The following CNBD1 variants were observed in gnomAD, a reference collection of about 807,000 sequenced individuals.
CNBD1 encodes the protein cyclic nucleotide binding domain containing 1.
In CNBD1, 71 loss-of-function variants were observed where a neutral mutation model predicts 54.4. That is an observed-to-expected ratio of 1.30 (90% CI 1.08 to 1.59). The LOEUF (loss-of-function observed/expected upper bound fraction) is 1.59. Ranked by LOEUF, CNBD1 falls within the 40% of genes most tolerant of loss-of-function variation. CNBD1 has a pLI of 0.00. For synonymous variants in CNBD1, 182 were observed against 170.7 expected (o/e 1.07, Z -0.51); for missense variants, 659 against 518.0 (o/e 1.27, Z -2.64).
Position 87,227,880 on chromosome 8 carries a change from G to T in CNBD1, c.578-9039G>T, listed in dbSNP as rs1392865103. On this transcript the variant is annotated intron_variant, in intron 5 of 10. Transcript: ENST00000518476. ...CTCCCCATCACTTTCAGGTACACCA[G>T]TCAGACGTAGATTTGGTCTTTTCAC... 6.1e-4 allele frequency among the ~76,000 whole-genome samples: 90 copies of T among 146,644 alleles called. 1 individual carries two copies. The highest frequency in any genetic ancestry group is 3.5e-3 in the Middle Eastern group (1 of 282).
chr8:87,165,667 G>A (rs1439034285), intron 4 of CNBD1, among the ~76,000 whole-genome samples: 3 of 151,704 alleles, frequency 2.0e-5, no homozygotes, highest in Non-Finnish European at 4.4e-5. Context: ...TTTCTAGTAG[G>A]CGCATATAGT....
intron 8 of CNBD1, among the ~76,000 whole-genome samples, chr8:87,335,637 A>G (rs965156296): frequency 6.6e-6 from 1 of 152,066 alleles, no homozygotes; most frequent in Non-Finnish European, 1.5e-5. Context: ...TAGCACACCA[A>G]TGGGTCTTGA....
intron 6 of CNBD1, among the ~76,000 whole-genome samples, chr8:87,267,673 C>T (rs952221870): frequency 6.6e-6 from 1 of 152,060 alleles, no homozygotes; most frequent in East Asian, 1.9e-4. Flanking sequence ...GTATAGCATA[C>T]AACAATGGAA....
intron 3 of CNBD1, among the ~76,000 whole-genome samples, chr8:86,930,046 CT>C (rs1809430223): frequency 6.6e-6 from 1 of 152,160 alleles, no homozygotes; most frequent in South Asian, 2.1e-4. Context: ...GTTTCCATCT[CT>C]GGTTCCCATT....
intron 2 of CNBD1, among the ~76,000 whole-genome samples, chr8:87,417,802 T>C (rs1470090007): frequency 6.6e-6 from 1 of 151,658 alleles, no homozygotes; most frequent in African/African-American, 2.4e-5. Flanking sequence ...AGTATCAATA[T>C]TAGTATCAAT....
intron 2 of CNBD1, among the ~76,000 whole-genome samples, chr8:87,427,197 C>A (rs1368462412): frequency 6.6e-6 from 1 of 152,004 alleles, no homozygotes; most frequent in African/African-American, 2.4e-5. Flanking sequence ...TAAGAGTCTG[C>A]TACATTATCT....
At chr8:87,256,108 T>C (rs7841115) in intron 6 of CNBD1, among the ~76,000 whole-genome samples, 40,493 of 139,036 alleles carry the variant, frequency 0.29, 6,563 homozygotes, top group African/African-American at 0.43. Flanking sequence ...CTGCAACCTC[T>C]ACCTCCTGGG....
intron 5 of CNBD1, among the ~76,000 whole-genome samples, chr8:87,222,826 G>GA (rs373440230): frequency 2.0e-5 from 3 of 152,178 alleles, no homozygotes; most frequent in African/African-American, 7.2e-5. Context: ...TTCATTAATA[G>GA]AAGTATAGTT....
intron 4 of CNBD1, among the ~76,000 whole-genome samples, chr8:87,107,123 C>T (rs535881472): frequency 2.0e-5 from 3 of 152,146 alleles, no homozygotes; most frequent in Non-Finnish European, 4.4e-5. Flanking sequence ...CCACCGCACC[C>T]GGCCTGTTTT....
intron 3 of CNBD1, among the ~76,000 whole-genome samples, chr8:86,905,687 G>T (rs1809007008): frequency 6.6e-6 from 1 of 152,110 alleles, no homozygotes; most frequent in Non-Finnish European, 1.5e-5. Flanking sequence ...TAAAGTCAAA[G>T]AATGAGATTA....
At chr8:87,416,303 T>G (rs903314493) in intron 2 of CNBD1, among the ~76,000 whole-genome samples, 1 of 152,056 alleles carries the variant, frequency 6.6e-6, no homozygotes, top group Non-Finnish European at 1.5e-5. Context: ...AACATTCTAT[T>G]TTCTATGAAA....
chr8:87,244,416 C>T (rs913394894), intron 6 of CNBD1, among the ~76,000 whole-genome samples: 18 of 152,112 alleles, frequency 1.2e-4, no homozygotes, highest in African/African-American at 4.3e-4. Context: ...ACTTTCTTTT[C>T]ACAGACCCAT....
chr8:87,265,900 G>A (rs900574378), intron 6 of CNBD1, among the ~76,000 whole-genome samples: 5 of 151,990 alleles, frequency 3.3e-5, no homozygotes, highest in African/African-American at 1.2e-4. Context: ...TAAACACATT[G>A]TTGATTTGGC....
intron 4 of CNBD1, among the ~76,000 whole-genome samples, chr8:87,040,581 G>A (rs940272518): frequency 2.0e-5 from 3 of 151,334 alleles, no homozygotes; most frequent in South Asian, 4.2e-4. Flanking sequence ...CTGCCACCAC[G>A]CCTGGATAAT....
At chr8:87,137,833 T>A (rs181324922) in intron 4 of CNBD1, among the ~76,000 whole-genome samples, 1 of 152,238 alleles carries the variant, frequency 6.6e-6, no homozygotes, top group East Asian at 1.9e-4. Flanking sequence ...AGAGAAGCTA[T>A]GAAATAATAA....
rs190201715 is a variant in CNBD1 at position 86,929,493 on chromosome 8, T to C, written c.273-10103T>C. Among the ~76,000 whole-genome samples, 101 of 152,254 alleles carry C rather than the reference T, an allele frequency of 6.6e-4. 1 individual carries two copies. In the East Asian group the frequency reaches 0.019, roughly 29 times the overall value. On this transcript the variant is annotated intron_variant, in intron 3 of 10. Coordinates refer to ENST00000518476, the MANE Select transcript of CNBD1 (RefSeq NM_173538.3). ...CCCACTCTCCACAAATGAACTTCCA[T>C]TGGTATATAGGTTAAGGTCAGGATT...
chr8:87,274,573 A>G (rs1395641423), intron 6 of CNBD1, among the ~76,000 whole-genome samples: 1 of 146,422 alleles, frequency 6.8e-6, no homozygotes, highest in African/African-American at 2.6e-5. Context: ...TCTTCTTTTG[A>G]GAAGTGTCTG....
intron 8 of CNBD1, among the ~76,000 whole-genome samples, chr8:87,324,162 C>G (rs1199259961): frequency 3.2e-5 from 4 of 124,894 alleles, no homozygotes; most frequent in Admixed American, 3.1e-4. Context: ...CCCACTTGAT[C>G]ATGGTGGATA....
intron 6 of CNBD1, among the ~76,000 whole-genome samples, chr8:87,266,438 C>CTTTTTTTTTTTTT (rs72293236): frequency 6.0e-5 from 3 of 50,120 alleles, no homozygotes; most frequent in Non-Finnish European, 9.9e-5. Context: ...AAAAAAAAAT[C>CTTTTTTTTTTTTT]TTTTTTTTTT....
Sources: allele counts gnomAD v4.1 joint callset (sites outside exome capture counted in the v4.1 genomes callset), GRCh38; gene constraint gnomAD v4.1.1; transcripts MANE v1.5; gene names NCBI Gene and HGNC (gene_info 2026-07-23, HGNC 2026-07-21).